The following DOCK3 variants were observed in gnomAD, a reference collection of about 807,000 sequenced individuals.
The protein encoded by DOCK3 is dedicator of cytokinesis protein 3.
DOCK3 carries 60 observed loss-of-function variants against 265.6 expected under a neutral mutation model. The ratio of observed to expected loss-of-function variants is 0.23; its 90% CI spans 0.18 to 0.28. DOCK3 has a LOEUF of 0.28. Among genes scored for constraint, DOCK3 ranks in the 10% least tolerant of loss-of-function variants. The pLI is 1.00. For missense variants in DOCK3, 1,981 were observed against 2,594.3 expected, an observed-to-expected ratio of 0.76 and a Z score of 5.14; for synonymous variants, 881 against 938.0, an observed-to-expected ratio of 0.94 and a Z score of 1.11.
At chr3:51,367,064 G>A (rs2087246209) in intron 49 of DOCK3, among the ~76,000 whole-genome samples, 1 of 152,180 alleles carries the variant, frequency 6.6e-6, no homozygotes, top group South Asian at 2.1e-4. Context: ...CTGTCTCATT[G>A]ATCTGTCTAG....
intron 9 of DOCK3, among the ~76,000 whole-genome samples, chr3:51,101,801 T>A (rs1399407358): frequency 6.6e-6 from 1 of 152,162 alleles, no homozygotes; most frequent in Non-Finnish European, 1.5e-5. Context: ...TTCTAGGCTT[T>A]CTCCCATTTC....
chr3:51,060,118 A>G (rs949978758), intron 5 of DOCK3, among the ~76,000 whole-genome samples: 29 of 151,904 alleles, frequency 1.9e-4, no homozygotes, highest in African/African-American at 7.0e-4. Context: ...GAACCTGCAC[A>G]TTGTGCACAT....
chr3:51,307,457 C>G (rs1012820997), intron 27 of DOCK3, among the ~76,000 whole-genome samples: 4 of 152,136 alleles, frequency 2.6e-5, no homozygotes, highest in African/African-American at 9.7e-5. Flanking sequence ...TATGCAGTCA[C>G]TAAAGTCTCC....
chr3:50,914,217 C>G (rs372030148), intron 4 of DOCK3, among the ~76,000 whole-genome samples: 1 of 149,504 alleles, frequency 6.7e-6, no homozygotes, highest in Non-Finnish European at 1.5e-5. Context: ...AGTTTATTTT[C>G]TTATGTTAAC....
intron 12 of DOCK3, among the ~76,000 whole-genome samples, chr3:51,166,404 G>A (rs2086409409): frequency 6.6e-6 from 1 of 152,062 alleles, no homozygotes; most frequent in Non-Finnish European, 1.5e-5. Flanking sequence ...CCATATCATG[G>A]CTAGTGTATA....
In DOCK3 at chr3:50,719,499, C is replaced by T. The variant is rs142387415; in HGVS notation, c.37+44199C>T. On this transcript the variant is annotated intron_variant, in intron 1 of 52. Transcript: ENST00000266037. ...CAAATTTATTAGAATTGTCCACAGT[C>T]GGCAATGGTGATCTTCTCACTGGTC... The T allele has an allele frequency of 5.6e-4, 487 of 869,504 alleles. 11 individuals are homozygous for T. The East Asian group carries it at 7.2e-3, about 13-fold the overall frequency. The allele number at this position is 869,504 out of a possible 1,614,324, so 53.9% of individuals were successfully genotyped here.
chr3:51,312,926 C>G lies in DOCK3; in HGVS notation c.3253+24C>G, dbSNP rs75917767. The G allele has an allele frequency of 1.4e-3, 2,295 of 1,584,362 alleles. 37 individuals carry two copies. The African/African-American group carries it at 0.027, about 19-fold the overall frequency. On this transcript the variant is annotated intron_variant, in intron 31 of 52. Coordinates refer to ENST00000266037, the MANE Select transcript of DOCK3 (RefSeq NM_004947.5). ...GGGTAGGTTTTTTCTCCCTATTCTT[C>G]CCTTCTATATATTGCATAGCCAAAT... is the stretch of plus-strand genomic sequence containing the variant.
chr3:51,231,113 T>C (rs1026354249), intron 19 of DOCK3, among the ~76,000 whole-genome samples: 1 of 143,208 alleles, frequency 7.0e-6, no homozygotes, highest in Admixed American at 7.3e-5. Flanking sequence ...GCATCTGTTA[T>C]TTTTTGACTT....
At chr3:50,699,960 A>G (rs892440017) in intron 1 of DOCK3, among the ~76,000 whole-genome samples, 1 of 152,204 alleles carries the variant, frequency 6.6e-6, no homozygotes, top group South Asian at 2.1e-4. Context: ...CCAAACATTG[A>G]TCATTTCTTT....
chr3:51,297,908 G>C (rs1403070796), intron 27 of DOCK3, among the ~76,000 whole-genome samples: 2 of 152,054 alleles, frequency 1.3e-5, no homozygotes, highest in African/African-American at 4.8e-5. Context: ...GATCCCTTGA[G>C]TTCAGGAGTC....
chr3:51,278,680 A>G (rs1352078724), intron 26 of DOCK3, among the ~76,000 whole-genome samples: 1 of 152,120 alleles, frequency 6.6e-6, no homozygotes, highest in Non-Finnish European at 1.5e-5. Context: ...CAACACTTAC[A>G]CAGTGCTTGC....
chr3:51,117,308 G>T (rs572028508), intron 9 of DOCK3, among the ~76,000 whole-genome samples: 1 of 152,206 alleles, frequency 6.6e-6, no homozygotes, highest in East Asian at 1.9e-4. Flanking sequence ...TCCCAGGGGT[G>T]AAGCTGACTT....
chr3:50,773,390 ATTTG>A (rs1486830833), intron 1 of DOCK3, among the ~76,000 whole-genome samples: 13 of 152,150 alleles, frequency 8.5e-5, no homozygotes, highest in Non-Finnish European at 2.9e-5. Flanking sequence ...AAAAAAAATC[ATTTG>A]AAAGCCAATG....
At chr3:50,761,705 G>A (rs1182704912) in intron 1 of DOCK3, among the ~76,000 whole-genome samples, 2 of 152,094 alleles carry the variant, frequency 1.3e-5, no homozygotes, top group Admixed American at 1.3e-4. Context: ...GAGCTTTTTG[G>A]TGTCGTTAGG....
chr3:50,703,656 G>A (rs1162482951), intron 1 of DOCK3, among the ~76,000 whole-genome samples: 2 of 151,828 alleles, frequency 1.3e-5, no homozygotes, highest in African/African-American at 4.8e-5. Flanking sequence ...TTATGTATCT[G>A]TGGTATCAGT....
At chr3:51,264,995 C>G (rs908552568) in intron 23 of DOCK3, among the ~76,000 whole-genome samples, 23 of 151,882 alleles carry the variant, frequency 1.5e-4, no homozygotes, top group African/African-American at 5.1e-4. Flanking sequence ...CAAATAGACA[C>G]AACAAAAAAT....
intron 38 of DOCK3, among the ~76,000 whole-genome samples, chr3:51,344,738 A>T (rs1449080496): frequency 6.6e-6 from 1 of 152,162 alleles, no homozygotes; most frequent in African/African-American, 2.4e-5. Flanking sequence ...AAGGCAAAAG[A>T]TGTGGATGGG....
At chr3:50,678,856 C>G (rs558642422) in intron 1 of DOCK3, among the ~76,000 whole-genome samples, 23 of 152,064 alleles carry the variant, frequency 1.5e-4, no homozygotes, top group African/African-American at 5.5e-4. Flanking sequence ...GTCGTCCAGG[C>G]TGGAGTGCAG....
chr3:50,879,494 A>T (rs2047911787), intron 3 of DOCK3, among the ~76,000 whole-genome samples: 2 of 152,194 alleles, frequency 1.3e-5, no homozygotes, highest in Non-Finnish European at 2.9e-5. Flanking sequence ...TCTCTGATAA[A>T]ACAGACTTTA....
Sources: gnomAD v4.1 joint callset for allele counts (sites outside exome capture counted in the v4.1 genomes callset) on GRCh38, gnomAD v4.1.1 for gene constraint, MANE v1.5 for transcripts, NCBI Gene and HGNC (gene_info 2026-07-23, HGNC 2026-07-21) for gene names.